The following TUBGCP6 variants were observed in gnomAD, a reference collection of about 807,000 sequenced individuals.
The protein encoded by TUBGCP6 is gamma-tubulin complex component 6.
TUBGCP6 carries 161 observed loss-of-function variants against 175.8 expected under a neutral mutation model. The ratio of observed to expected loss-of-function variants is 0.92; its 90% CI spans 0.81 to 1.04. The LOEUF is 1.04. TUBGCP6 is among the 50% of genes least tolerant of loss of function. The pLI is 0.00. For missense variants in TUBGCP6, 2,572 were observed against 2,433.0 expected (o/e 1.06, Z -1.20); for synonymous variants, 1,173 against 1,030.5 (o/e 1.14, Z -2.65).
chr22:50,244,511 C>T lies in TUBGCP6; in HGVS notation c.-52G>A, dbSNP rs767746072. 1.8e-4 allele frequency: 270 copies of T among 1,535,990 alleles called. No individual in the cohort carries two copies. The East Asian group carries it at 6.1e-3, about 35-fold the overall frequency. ...CGTGTGGGAAAACACCTCACCCGGG[C>T]TTCACTCACGCTCCGGAAGACAGGG... On this transcript the variant is annotated 5_prime_UTR_variant, in exon 1 of 25. Coordinates refer to ENST00000248846, the MANE Select transcript of TUBGCP6 (RefSeq NM_020461.4).
chr22:50,244,151 C>T lies in TUBGCP6; in HGVS notation c.309G>A (p.Pro103=), dbSNP rs138990869. Residue 103 remains proline (P), a synonymous_variant, in exon 1 of 25, where the codon CCG becomes CCA. Coordinates refer to ENST00000248846, the MANE Select transcript of TUBGCP6 (RefSeq NM_020461.4). ...CCAAAACAGACCCCACCTCCAAAAGCGGACAGCAAGGGGCTGCTTCCAGCT... is the reference window on the plus strand; with the variant it reads ...CCAAAACAGACCCCACCTCCAAAAGTGGACAGCAAGGGGCTGCTTCCAGCT... ...VEELEAAPCC[P]LLEVGSVLDL... The T allele has an allele frequency of 1.1e-5, 17 of 1,613,364 alleles. No homozygotes were observed. The highest frequency in any genetic ancestry group is 1.4e-5 in the Non-Finnish European group (16 of 1,180,050).
Position 50,240,271 on chromosome 22 carries a change from C to A in TUBGCP6, c.838G>T (p.Val280Leu). The part of the protein sequence containing the change: ...SQSEPSVTPD[V>L]DLWEAALTYE... ...GTAAGTGCGGCTTCCCACAGGTCCACGTCTGGGGTCACGCTGGGCTCAGAC... is the reference window on the plus strand; with the variant it reads ...GTAAGTGCGGCTTCCCACAGGTCCAAGTCTGGGGTCACGCTGGGCTCAGAC... Residue 280 changes from valine to leucine, a missense_variant, in exon 2 of 25, where the codon GTG becomes TTG. Val to Leu is a conservative substitution (Grantham distance 32). Transcript: ENST00000248846. 6 of 1,614,032 alleles carry A rather than the reference C, an allele frequency of 3.7e-6. No individual in the cohort carries two copies. The highest frequency in any genetic ancestry group is 4.2e-6 in the Non-Finnish European group (5 of 1,180,048).
chr22:50,224,411 ATC>A lies in TUBGCP6; in HGVS notation c.2073_2074del (p.Gln691HisfsTer13). 6.2e-7 allele frequency: 1 copy of A among 1,614,154 alleles called. No homozygotes were observed. Among genetic ancestry groups the A allele is most frequent in the Non-Finnish European group, 8.5e-7 (1 of 1,180,024 alleles). The stretch of plus-strand genomic sequence containing the variant: ...GGCATCCAAGGCCATCCGTTCTGAC[ATC>A]TGCCGGTCTACATTGGGACAGTAAG... On this transcript the variant is annotated frameshift_variant, in exon 12 of 25. Coordinates refer to ENST00000248846, the MANE Select transcript of TUBGCP6 (RefSeq NM_020461.4). LOFTEE classifies it high-confidence loss of function.
chr22:50,239,748 T>G (rs930481005), intron 2 of TUBGCP6, among the ~76,000 whole-genome samples: 1 of 152,192 alleles, frequency 6.6e-6, no homozygotes, highest in African/African-American at 2.4e-5. Flanking sequence ...TAGACATGAA[T>G]GGAAAAGGCT....
rs769501050 is a variant in TUBGCP6 at position 50,229,384 on chromosome 22, C to T, written c.1290+20G>A. 1.4e-5 allele frequency: 23 copies of T among 1,609,732 alleles called. No homozygotes were observed. The stretch of plus-strand genomic sequence containing the variant: ...CCGTTCTCACAAAGGTGTGTGACAA[C>T]CATGAGGCAAAGGCCATACCTGGAA... On this transcript the variant is annotated intron_variant, in intron 4 of 24. Coordinates refer to ENST00000248846, the MANE Select transcript of TUBGCP6 (RefSeq NM_020461.4).
chr22:50,234,349 C>A (rs377662946), intron 2 of TUBGCP6, among the ~76,000 whole-genome samples: 87 of 6,698 alleles, frequency 0.013, 3 homozygotes, highest in Middle Eastern at 0.12. Context: ...ATCCACACCC[C>A]TGTCCACAGC....
At chr22:50,238,606 C>T (rs1173858078) in intron 2 of TUBGCP6, among the ~76,000 whole-genome samples, 1 of 149,160 alleles carries the variant, frequency 6.7e-6, no homozygotes, top group Admixed American at 6.7e-5. Flanking sequence ...GGCGCAATAT[C>T]CGCTCACTGC....
intron 3 of TUBGCP6, among the ~76,000 whole-genome samples, chr22:50,229,919 G>A (rs533951809): frequency 9.2e-5 from 14 of 152,228 alleles, no homozygotes; most frequent in African/African-American, 2.2e-4. Context: ...TTGACTCTTC[G>A]GGATGAATTA....
chr22:50,222,706 C>G (rs1175073450), intron 13 of TUBGCP6, 114 bp from the exon 14 acceptor site: 5 of 1,439,938 alleles, frequency 3.5e-6, no homozygotes, highest in Non-Finnish European at 4.7e-6. Context: ...GGCCCCCGCC[C>G]CCGTCTCCCC....
chr22:50,227,982 C>CA lies in TUBGCP6; in HGVS notation c.1336dup (p.Cys446LeufsTer121). 6.4e-7 allele frequency: 1 copy of CA among 1,571,330 alleles called. No individual in the cohort carries two copies. Among genetic ancestry groups the CA allele is most frequent in the Non-Finnish European group, 8.6e-7 (1 of 1,158,160 alleles). ...CAGGGTGGGCGGAGTGGAAAGGACG[C>CA]AGGCCCGGTAATACTGCAGGTACCT... On this transcript the variant is annotated frameshift_variant, in exon 5 of 25. Transcript: ENST00000248846. LOFTEE classifies it high-confidence loss of function.
In TUBGCP6 at chr22:50,220,319, A is replaced by G. The variant is rs778757406; in HGVS notation, c.4040T>C (p.Val1347Ala). ...GEGSISVGENVSDVAPTQPWW... is the reference protein window; with the variant it reads ...GEGSISVGENASDVAPTQPWW... ...TGGTTGGGTGGGAGCCACGTCTGAC[A>G]CGTTCTCCCCCACGCTGATGCTCCC... Residue 1347 changes from valine (V) to alanine (A), a missense_variant, in exon 16 of 25, where the codon GTG (valine) becomes GCG (alanine). Coordinates refer to ENST00000248846, the MANE Select transcript of TUBGCP6 (RefSeq NM_020461.4). The G allele has an allele frequency of 1.3e-6, 2 of 1,577,504 alleles. No individual in the cohort carries two copies. Among genetic ancestry groups the G allele is most frequent in the South Asian group, 1.2e-5 (1 of 86,640 alleles).
Position 50,218,802 on chromosome 22 carries a change from G to A in TUBGCP6, c.4722C>T (p.Thr1574=). 1.2e-6 allele frequency: 2 copies of A among 1,614,126 alleles called. No individual in the cohort carries two copies. Among genetic ancestry groups the A allele is most frequent in the African/African-American group, 1.3e-5 (1 of 75,058 alleles). ...CGAGGGAGAGGTTGGAGGCGTGCGG[G>A]GTGTCCCCATGCAGGCTGCACTGCA... ...KALQCSLHGD[T]PHASNLSLAL... is the part of the protein sequence containing the mutation. The change falls in exon 21 of 25, where the codon ACC becomes ACT. Residue 1574 remains threonine (T), a synonymous_variant. Transcript: ENST00000248846.
Position 50,220,400 on chromosome 22 carries a change from C to T in TUBGCP6, c.3959G>A (p.Arg1320Gln), listed in dbSNP as rs1238471583. The T allele has an allele frequency of 1.4e-5, 22 of 1,577,894 alleles. No individual in the cohort carries two copies. The highest frequency in any genetic ancestry group is 1.0e-4 in the Admixed American group (6 of 57,792). The stretch of plus-strand genomic sequence containing the variant: ...AGATGGCCCCACTTCTACAGGCAGC[C>T]GTGGCCCACAGTCCAGCACAGTGCT... The part of the protein sequence containing the change: ...AQSTVLDCGP[R>Q]LPVEVGPSLS... The change falls in exon 16 of 25, where the codon CGG becomes CAG. Residue 1320 changes from arginine (R) to glutamine (Q), a missense_variant. By Grantham distance (43) the Arg-to-Gln change is conservative (BLOSUM62 1). Transcript: ENST00000248846.
chr22:50,219,485 G>A, intron 18 of TUBGCP6, 29 bp from the exon 19 acceptor site: 9 of 1,594,594 alleles, frequency 5.6e-6, no homozygotes, highest in Non-Finnish European at 6.0e-6. Context: ...GCACGTGCTG[G>A]GAACCGGCCA....
At chr22:50,230,769 C>CA (rs544032515) in intron 3 of TUBGCP6, among the ~76,000 whole-genome samples, 3,706 of 89,708 alleles carry the variant, frequency 0.041, 71 homozygotes, top group South Asian at 0.088. Context: ...ATCCTGTCTC[C>CA]AAAAAAAAAA....
rs199698450 is a variant in TUBGCP6, at chr22:50,226,306, G to A, written c.1674C>T (p.His558=). 1.7e-5 allele frequency: 27 copies of A among 1,613,912 alleles called. No individual in the cohort carries two copies. The highest frequency in any genetic ancestry group is 6.7e-5 in the East Asian group (3 of 44,870). Residue 558 remains histidine, a synonymous_variant, in exon 8 of 25, where the codon CAC becomes CAT. Coordinates refer to ENST00000248846, the MANE Select transcript of TUBGCP6 (RefSeq NM_020461.4). Reference sequence around the variant, plus strand: ...ACCTACCTCGGAAGCTGAGGTACTCGTGGTTCACCTGAATCATGAACTCGC... The same window carrying A: ...ACCTACCTCGGAAGCTGAGGTACTCATGGTTCACCTGAATCATGAACTCGC... The part of the protein sequence containing the change: ...AYGEFMIQVN[H]EYLSFRDKLY...
At chr22:50,240,474 C>T (rs2064826437) in intron 1 of TUBGCP6, 107 bp from the exon 2 acceptor site, 6 of 1,370,436 alleles carry the variant, frequency 4.4e-6, no homozygotes, top group Admixed American at 2.1e-5. Context: ...CAAAATGTTT[C>T]TTCTGTTTTT....
intron 1 of TUBGCP6, among the ~76,000 whole-genome samples, chr22:50,241,983 C>CAAAAAAAAAAAAAAAAAAAAAAA (rs55647714): frequency 3.2e-5 from 3 of 92,806 alleles, no homozygotes; most frequent in Non-Finnish European, 6.0e-5. Flanking sequence ...GACTCCATCT[C>CAAAAAAAAAAAAAAAAAAAAAAA]AAAAAAAAAA....
chr22:50,220,120 G>A, intron 16 of TUBGCP6, 105 bp from the exon 17 acceptor site: 1 of 1,550,242 alleles, frequency 6.5e-7, no homozygotes, highest in Admixed American at 1.9e-5. Flanking sequence ...GTCCCCCACA[G>A]CAGCCCAGGT....
Sources: allele counts gnomAD v4.1 joint callset (sites outside exome capture counted in the v4.1 genomes callset), GRCh38; gene constraint gnomAD v4.1.1; transcripts MANE v1.5; gene names NCBI Gene and HGNC (gene_info 2026-07-23, HGNC 2026-07-21).